Variants in FAF1 observed in about 807,000 individuals in gnomAD.
FAF1 encodes the protein Fas associated factor 1, also known as FAS-associated factor 1.
In FAF1, 25 loss-of-function variants were observed where a neutral mutation model predicts 92.5. The observed-to-expected ratio is 0.27, with a 90% confidence interval of 0.20 to 0.38. The LOEUF (loss-of-function observed/expected upper bound fraction) is 0.38, where lower values mean the gene tolerates loss of function less well. FAF1 is among the 10% of genes least tolerant of loss of function. FAF1 has a pLI of 1.00. For synonymous variants in FAF1, 234 were observed against 273.2 expected (o/e 0.86, Z 1.42); for missense variants, 636 against 793.3 (o/e 0.80, Z 2.38).
At chr1:50,773,000 C>T (rs1021062042) in intron 4 of FAF1, among the ~76,000 whole-genome samples, 2 of 152,130 alleles carry the variant, frequency 1.3e-5, no homozygotes, top group African/African-American at 4.8e-5. Context: ...ATGCCCACTG[C>T]CTTTCCCTAT....
intron 7 of FAF1, among the ~76,000 whole-genome samples, chr1:50,678,824 C>A (rs1466665681): frequency 7.0e-6 from 1 of 143,346 alleles, no homozygotes; most frequent in Non-Finnish European, 1.5e-5. Flanking sequence ...TGGTGGCTCA[C>A]GCCTGTAATC....
At chr1:50,707,059 C>T (rs1021435874) in intron 6 of FAF1, among the ~76,000 whole-genome samples, 4 of 151,994 alleles carry the variant, frequency 2.6e-5, no homozygotes, top group Non-Finnish European at 5.9e-5. Flanking sequence ...AAACATTAGC[C>T]AGGTGTGGTG....
At chr1:50,566,979 T>C in intron 13 of FAF1, 98 bp downstream of exon 13, 1 of 916,886 alleles carries the variant, frequency 1.1e-6, no homozygotes, top group South Asian at 2.9e-5. Flanking sequence ...TGGTAGAGAG[T>C]TTAATGCTGA....
chr1:50,703,383 C>A (rs2124419764), intron 7 of FAF1, among the ~76,000 whole-genome samples: 1 of 152,062 alleles, frequency 6.6e-6, no homozygotes, highest in East Asian at 1.9e-4. Context: ...TGAAACTACC[C>A]CCTCCATCAC....
chr1:50,597,935 C>T (rs948766741), intron 8 of FAF1, among the ~76,000 whole-genome samples: 1 of 152,158 alleles, frequency 6.6e-6, no homozygotes, highest in Non-Finnish European at 1.5e-5. Context: ...GACTTTTAAA[C>T]TCAGAGTGTC....
At chr1:50,614,846 A>C (rs1403195715) in intron 8 of FAF1, among the ~76,000 whole-genome samples, 1 of 152,100 alleles carries the variant, frequency 6.6e-6, no homozygotes, top group Admixed American at 6.6e-5. Flanking sequence ...TCTCAAAAAA[A>C]AAAAAAAAAA....
chr1:50,683,076 AT>A lies in FAF1; in HGVS notation c.657+22709del, dbSNP rs1656495358. Among the ~76,000 whole-genome samples the A allele has an allele frequency of 5.9e-5, 9 of 152,318 alleles. No homozygotes were observed. In the South Asian group the frequency reaches 1.9e-3, roughly 32 times the overall value. On this transcript the variant is annotated intron_variant, in intron 7 of 18. Coordinates refer to ENST00000396153, the MANE Select transcript of FAF1 (RefSeq NM_007051.3). ...AATCTGAATATAGTGCACTTATCTT[AT>A]CCAAAATTTAACAAGAAATTAAAAA...
chr1:50,736,395 G>T (rs1659139072), intron 6 of FAF1, among the ~76,000 whole-genome samples: 1 of 152,156 alleles, frequency 6.6e-6, no homozygotes, highest in Non-Finnish European at 1.5e-5. Context: ...TACCATTTTT[G>T]ATAATATGAT....
At chr1:50,729,058 ATTT>A (rs1195852048) in intron 6 of FAF1, among the ~76,000 whole-genome samples, 9 of 70,130 alleles carry the variant, frequency 1.3e-4, no homozygotes, top group African/African-American at 3.5e-4. Flanking sequence ...ATATATATAT[ATTT>A]TTTTTTTTTT....
chr1:50,542,099 C>T (rs1393148244), intron 13 of FAF1, among the ~76,000 whole-genome samples: 2 of 152,156 alleles, frequency 1.3e-5, no homozygotes, highest in African/African-American at 2.4e-5. Context: ...GGGAGATACA[C>T]AGGAATCACA....
At chr1:50,919,573 C>T (rs780034403) in intron 1 of FAF1, among the ~76,000 whole-genome samples, 32 of 151,662 alleles carry the variant, frequency 2.1e-4, no homozygotes, top group Admixed American at 3.9e-4. Flanking sequence ...CTGCAACCTC[C>T]GCCTCCCGGG....
At chr1:50,621,695 T>C (rs1417182083) in intron 8 of FAF1, among the ~76,000 whole-genome samples, 1 of 151,208 alleles carries the variant, frequency 6.6e-6, no homozygotes, top group Non-Finnish European at 1.5e-5. Context: ...GCACTGCACC[T>C]GGCCCAGCCC....
chr1:50,799,177 T>C (rs1290438333), intron 3 of FAF1, among the ~76,000 whole-genome samples: 3 of 152,218 alleles, frequency 2.0e-5, no homozygotes, highest in Admixed American at 6.5e-5. Context: ...GACAGAGTAA[T>C]AGAGAGGATA....
Position 50,574,197 on chromosome 1 carries a change from T to G in FAF1, c.1114-6966A>C, listed in dbSNP as rs535904753. 1.4e-4 allele frequency among the ~76,000 whole-genome samples: 22 copies of G among 152,382 alleles called. No homozygotes were observed. The East Asian group carries it at 4.0e-3, about 28-fold the overall frequency. On this transcript the variant is annotated intron_variant, in intron 12 of 18. Transcript: ENST00000396153. ...CAGATGTTCATTGGGTATAGATCTT[T>G]ATCAGTTTTCATTGCTTAGACTGTA...
At chr1:50,918,174 CTTTT>C (rs869179803) in intron 1 of FAF1, among the ~76,000 whole-genome samples, 14 of 130,122 alleles carry the variant, frequency 1.1e-4, no homozygotes, top group African/African-American at 2.5e-4. Flanking sequence ...ATGTAAATTT[CTTTT>C]TTTTTTTTTT....
intron 18 of FAF1, among the ~76,000 whole-genome samples, chr1:50,454,812 T>C (rs1646333175): frequency 6.6e-6 from 1 of 152,222 alleles, no homozygotes; most frequent in African/African-American, 2.4e-5. Flanking sequence ...CTTTTGATTA[T>C]TTGTTTATGA....
chr1:50,581,021 C>T (rs539280946), intron 12 of FAF1, among the ~76,000 whole-genome samples: 2 of 152,306 alleles, frequency 1.3e-5, no homozygotes, highest in East Asian at 1.9e-4. Context: ...GTGATCCACT[C>T]GCCGTGGCTT....
chr1:50,572,936 T>G (rs944148094), intron 12 of FAF1, among the ~76,000 whole-genome samples: 3 of 152,090 alleles, frequency 2.0e-5, no homozygotes, highest in African/African-American at 7.2e-5. Context: ...TGGGCTCAAG[T>G]GATCCTCCTG....
chr1:50,894,176 G>A (rs1207214403), intron 1 of FAF1, among the ~76,000 whole-genome samples: 1 of 151,974 alleles, frequency 6.6e-6, no homozygotes, highest in African/African-American at 2.4e-5. Context: ...GCACATGCCT[G>A]TAATCCCAGC....
Sources: gnomAD v4.1 joint callset for allele counts (sites outside exome capture counted in the v4.1 genomes callset) on GRCh38, gnomAD v4.1.1 for gene constraint, MANE v1.5 for transcripts, NCBI Gene and HGNC (gene_info 2026-07-23, HGNC 2026-07-21) for gene names.